The following RGL1 variants were observed in gnomAD, a reference collection of about 807,000 sequenced individuals.
The protein encoded by RGL1 is ral guanine nucleotide dissociation stimulator-like 1.
In RGL1, 24 loss-of-function variants were observed where a neutral mutation model predicts 95.2. That is an observed-to-expected ratio of 0.25 (90% CI 0.18 to 0.35). The LOEUF is 0.35. Ranked by LOEUF, RGL1 falls within the 10% of genes least tolerant of loss-of-function variation. The pLI is 1.00. For missense variants in RGL1, 715 were observed against 936.3 expected (o/e 0.76, Z 3.08); for synonymous variants, 329 against 344.9 (o/e 0.95, Z 0.51).
At chr1:183,875,858 G>C (rs1014228154) in intron 4 of RGL1, among the ~76,000 whole-genome samples, 4 of 129,320 alleles carry the variant, frequency 3.1e-5, no homozygotes, top group African/African-American at 1.2e-4. Flanking sequence ...CAGCCTGGGC[G>C]ACAGCTCTGT....
intron 9 of RGL1, among the ~76,000 whole-genome samples, chr1:183,893,992 C>T (rs1479289347): frequency 6.6e-6 from 1 of 152,190 alleles, no homozygotes; most frequent in African/African-American, 2.4e-5. Flanking sequence ...ATGAGAAGGG[C>T]AGTATGTGCT....
Position 183,648,131 on chromosome 1 carries a change from C to G in RGL1, c.-33+11630C>G, listed in dbSNP as rs17436878. On this transcript the variant is annotated intron_variant, in intron 1 of 18. Transcript: ENST00000304685. Reference sequence around the variant, plus strand: ...CGTTGTGCCTGTCAGCCAGTGCTCTCCCAGTTAAAATGGGCTGAAAAACAT... The same window carrying G: ...CGTTGTGCCTGTCAGCCAGTGCTCTGCCAGTTAAAATGGGCTGAAAAACAT... 425,003 of 1,614,006 alleles carry G rather than the reference C, an allele frequency of 0.26. 60,237 individuals carry two copies. The highest frequency in any genetic ancestry group is 0.29 in the Non-Finnish European group (344,175 of 1,179,978).
At chr1:183,643,770 C>G (rs537307489) in intron 1 of RGL1, among the ~76,000 whole-genome samples, 144 of 152,220 alleles carry the variant, frequency 9.5e-4, no homozygotes, top group Non-Finnish European at 1.3e-3. Context: ...ATTTTATACC[C>G]AGAAGTGGAA....
intron 2 of RGL1, among the ~76,000 whole-genome samples, chr1:183,810,705 G>A (rs1003425580): frequency 1.3e-5 from 2 of 152,324 alleles, no homozygotes; most frequent in South Asian, 2.1e-4. Context: ...TCACTTGGAT[G>A]TTCTATTTAG....
At chr1:183,756,214 T>TG (rs555955178) in intron 2 of RGL1, among the ~76,000 whole-genome samples, 103 of 149,298 alleles carry the variant, frequency 6.9e-4, no homozygotes, top group Non-Finnish European at 1.1e-3. Flanking sequence ...TTCTTTGAGA[T>TG]GGAGTCTTGC....
chr1:183,851,043 C>A (rs944837485), intron 3 of RGL1, among the ~76,000 whole-genome samples: 6 of 152,118 alleles, frequency 3.9e-5, no homozygotes, highest in African/African-American at 1.2e-4. Flanking sequence ...TTTTTTAAAT[C>A]TTTTCTTTGT....
At chr1:183,828,496 C>T (rs1049244425) in intron 2 of RGL1, among the ~76,000 whole-genome samples, 4 of 152,112 alleles carry the variant, frequency 2.6e-5, no homozygotes, top group Admixed American at 6.5e-5. Context: ...CTGACCTACT[C>T]GGCCGTCTGG....
At chr1:183,905,191 T>C (rs937078624) in intron 13 of RGL1, among the ~76,000 whole-genome samples, 14 of 152,206 alleles carry the variant, frequency 9.2e-5, no homozygotes, top group African/African-American at 2.9e-4. Flanking sequence ...TTTATCTTTG[T>C]AACCTTGAAC....
intron 11 of RGL1, among the ~76,000 whole-genome samples, chr1:183,901,871 C>T (rs1668045911): frequency 1.3e-5 from 2 of 152,148 alleles, no homozygotes; most frequent in Admixed American, 1.3e-4. Context: ...TATACTACCC[C>T]CTTGTTATCA....
intron 2 of RGL1, among the ~76,000 whole-genome samples, chr1:183,831,195 C>T (rs552063539): frequency 2.6e-5 from 4 of 152,218 alleles, no homozygotes; most frequent in Admixed American, 6.5e-5. Context: ...GGGGGTTTAT[C>T]TGAGTAAGTA....
At chr1:183,875,758 A>G (rs1354481659) in intron 4 of RGL1, among the ~76,000 whole-genome samples, 1 of 151,828 alleles carries the variant, frequency 6.6e-6, no homozygotes, top group Admixed American at 6.6e-5. Flanking sequence ...ACGTGCCTGT[A>G]ATCCCAGCTA....
rs557244603 is a variant in RGL1 at position 183,893,406 on chromosome 1, A to G, written c.1140+1245A>G. Among the ~76,000 whole-genome samples the G allele has an allele frequency of 3.9e-5, 6 of 152,334 alleles. No homozygotes were observed. The East Asian group carries it at 1.2e-3, about 29-fold the overall frequency. The stretch of plus-strand genomic sequence containing the variant: ...CTATGGTAAAATACTTGAAAGTGCT[A>G]TGCAAATGTAAGTTATTTTTTGTAT... On this transcript the variant is annotated intron_variant, in intron 9 of 17. Coordinates refer to ENST00000360851, the MANE Select transcript of RGL1 (RefSeq NM_001297671.3).
At chr1:183,676,743 G>T (rs751418745) in intron 1 of RGL1, among the ~76,000 whole-genome samples, 1 of 142,560 alleles carries the variant, frequency 7.0e-6, no homozygotes, top group African/African-American at 2.5e-5. Context: ...CAGCCCAGGG[G>T]CCTCTGGCTT....
chr1:183,828,098 T>G (rs930826907), intron 2 of RGL1, among the ~76,000 whole-genome samples: 3 of 152,208 alleles, frequency 2.0e-5, no homozygotes, highest in Non-Finnish European at 4.4e-5. Flanking sequence ...AACTTTTTTT[T>G]AATAGGAGAG....
intron 1 of RGL1, among the ~76,000 whole-genome samples, chr1:183,668,532 G>A (rs1652199426): frequency 6.6e-6 from 1 of 151,850 alleles, no homozygotes; most frequent in South Asian, 2.1e-4. Flanking sequence ...GGAACTCCTG[G>A]CCTCAAGCAA....
At chr1:183,641,559 C>G (rs1649926059) in intron 1 of RGL1, among the ~76,000 whole-genome samples, 1 of 152,202 alleles carries the variant, frequency 6.6e-6, no homozygotes, top group Admixed American at 6.5e-5. Context: ...CATGAGCCCC[C>G]CCCACCATAC....
At chr1:183,890,693 T>A (rs201993271) in intron 8 of RGL1, among the ~76,000 whole-genome samples, 1 of 152,172 alleles carries the variant, frequency 6.6e-6, no homozygotes, top group Non-Finnish European at 1.5e-5. Flanking sequence ...ATGCTAAATT[T>A]AAAAAGCCAG....
chr1:183,674,391 A>T (rs566625174), intron 1 of RGL1, among the ~76,000 whole-genome samples: 12 of 152,210 alleles, frequency 7.9e-5, no homozygotes, highest in East Asian at 1.9e-4. Flanking sequence ...TGTTTTTTTT[A>T]AATTTGCTTA....
chr1:183,821,006 G>T (rs975030688), intron 2 of RGL1, among the ~76,000 whole-genome samples: 18 of 151,946 alleles, frequency 1.2e-4, no homozygotes, highest in Non-Finnish European at 4.4e-5. Flanking sequence ...GGTGGTGGGC[G>T]CCTGTAATCC....
Sources: allele counts gnomAD v4.1 joint callset (sites outside exome capture counted in the v4.1 genomes callset), GRCh38; gene constraint gnomAD v4.1.1; transcripts MANE v1.5; gene names NCBI Gene and HGNC (gene_info 2026-07-23, HGNC 2026-07-21).